Variants in ALDH4A1 observed in about 807,000 individuals in gnomAD.
ALDH4A1 encodes aldehyde dehydrogenase 4 family member A1.
A neutral mutation model predicts 70.5 loss-of-function variants in ALDH4A1; 46 were observed. The ratio of observed to expected loss-of-function variants is 0.65; its 90% CI spans 0.51 to 0.83. ALDH4A1 has a LOEUF of 0.83. ALDH4A1 is among the 40% of genes least tolerant of loss of function. The probability of loss-of-function intolerance (pLI) is 0.00; values close to 1 mark genes in which losing one functional copy is unlikely to be tolerated. For missense variants in ALDH4A1, 749 were observed against 766.5 expected (o/e 0.98, Z 0.27); for synonymous variants, 323 against 324.3 (o/e 1.00, Z 0.04).
chr1:18,890,263 T>C (rs1318329748), intron 1 of ALDH4A1, 158 bp from the exon 2 acceptor site: 2 of 634,922 alleles, frequency 3.1e-6, no homozygotes, highest in African/African-American at 1.8e-5. Context: ...CACCTTGGGC[T>C]GGGCATGGTG....
In ALDH4A1 at chr1:18,885,577, C is replaced by G. The variant is rs1441011771; in HGVS notation, c.349G>C (p.Asp117His). The change falls in exon 5 of 15, where the codon GAC becomes CAC. Residue 117 changes from aspartate (D) to histidine (H), a missense_variant. Transcript: ENST00000375341. ...GCCCGGTCTGCAATAGGCTTCAGGT[C>G]CCACTCTTTCCGGGCAGCCAGGGCA... ...EAALAARKEWDLKPIADRAQI... is the reference protein window; with the variant it reads ...EAALAARKEWHLKPIADRAQI... The G allele has an allele frequency of 4.3e-6, 7 of 1,613,746 alleles. No homozygotes were observed. The highest frequency in any genetic ancestry group is 5.9e-6 in the Non-Finnish European group (7 of 1,179,926).
At position 18,872,815 on chromosome 1, in the gene ALDH4A1, G is replaced by A. The variant is rs753224415; in HGVS notation, c.*30C>T. The A allele has an allele frequency of 5.9e-5, 94 of 1,585,422 alleles. 1 individual carries two copies. The highest frequency in any genetic ancestry group is 4.5e-4 in the East Asian group (20 of 44,634). ...GTGAGGTCGGCCACCTGGACGGACAGACAGCTGGACGGTGGAGCCCGAGAG... is the reference window on the plus strand; with the variant it reads ...GTGAGGTCGGCCACCTGGACGGACAAACAGCTGGACGGTGGAGCCCGAGAG... On this transcript the variant is annotated 3_prime_UTR_variant, in exon 15 of 15. Coordinates refer to ENST00000375341, the MANE Select transcript of ALDH4A1 (RefSeq NM_003748.4).
Position 18,880,398 on chromosome 1 carries a change from C to T in ALDH4A1, c.867-1025G>A, listed in dbSNP as rs1934923874. ...ACCCCCCTCATCCCCACACGCACCCCAACCCCAACTCCAGGACAGGCAATG... is the reference window on the plus strand; with the variant it reads ...ACCCCCCTCATCCCCACACGCACCCTAACCCCAACTCCAGGACAGGCAATG... On this transcript the variant is annotated intron_variant, in intron 8 of 14. Coordinates refer to ENST00000375341, the MANE Select transcript of ALDH4A1 (RefSeq NM_003748.4). This position sits in a 1 kb window ranked among gnomAD's most constrained non-coding sequence, Gnocchi z 5.1. Among the ~76,000 whole-genome samples the T allele has an allele frequency of 6.6e-6, 1 of 152,142 alleles. No homozygotes were observed. Among genetic ancestry groups the T allele is most frequent in the African/African-American group, 2.4e-5 (1 of 41,414 alleles).
At chr1:18,879,496 C>T (rs1043695872) in intron 8 of ALDH4A1, 123 bp from the exon 9 acceptor site, 3 of 824,910 alleles carry the variant, frequency 3.6e-6, no homozygotes, top group South Asian at 2.9e-5. Flanking sequence ...TCGGGGATGG[C>T]GGCTGGGAAC....
chr1:18,873,065 G>C (rs1191009623), intron 14 of ALDH4A1, 108 bp from the exon 15 acceptor site: 1 of 971,502 alleles, frequency 1.0e-6, no homozygotes, highest in Admixed American at 1.9e-5. Context: ...GCGGCCAGCA[G>C]CGAGCCTGCT....
chr1:18,890,659 C>T lies in ALDH4A1; in HGVS notation c.63-554G>A, dbSNP rs573218272. The T allele has an allele frequency of 8.1e-6, 8 of 984,272 alleles. No individual in the cohort carries two copies. The South Asian group carries it at 1.4e-4, about 17-fold the overall frequency. The allele number at this position is 984,272 out of a possible 1,614,324, so 61.0% of individuals were successfully genotyped here. ...GTTGCCTCCTGTGAACGTGGTTCTA[C>T]GTCTATCAAGTAAGAATAATCGCAC... On this transcript the variant is annotated intron_variant, in intron 1 of 14. Coordinates refer to ENST00000375341, the MANE Select transcript of ALDH4A1 (RefSeq NM_003748.4).
At position 18,898,200 on chromosome 1, in the gene ALDH4A1, G is replaced by A. The variant is rs375823216; in HGVS notation, c.62+4262C>T. 1.1e-3 allele frequency among the ~76,000 whole-genome samples: 168 copies of A among 152,102 alleles called. No homozygotes were observed. The highest frequency in any genetic ancestry group is 4.0e-3 in the African/African-American group (166 of 41,500). On this transcript the variant is annotated intron_variant, in intron 1 of 14. Transcript: ENST00000375341. The surrounding 1 kb of genome is among the most constrained non-coding windows in gnomAD (Gnocchi z 4.3). Reference sequence around the variant, plus strand: ...TAGCTGGGTATGGTGATGTGCGCCTGTAGTTCCAGCTACTTGGGAGGCTGA... The same window carrying A: ...TAGCTGGGTATGGTGATGTGCGCCTATAGTTCCAGCTACTTGGGAGGCTGA...
chr1:18,872,808 A>C lies in ALDH4A1; in HGVS notation c.*37T>G. 1.9e-6 allele frequency: 3 copies of C among 1,563,552 alleles called. No individual in the cohort carries two copies. Among genetic ancestry groups the C allele is most frequent in the Non-Finnish European group, 2.6e-6 (3 of 1,137,618 alleles). On this transcript the variant is annotated 3_prime_UTR_variant, in exon 15 of 15. Transcript: ENST00000375341. ...CTGTGCAGTGAGGTCGGCCACCTGG[A>C]CGGACAGACAGCTGGACGGTGGAGC...
At chr1:18,883,524 G>A (rs28508407) in intron 5 of ALDH4A1, 96 bp from the exon 6 acceptor site, 365,091 of 1,550,330 alleles carry the variant, frequency 0.24, 46,596 homozygotes, top group African/African-American at 0.46. Flanking sequence ...GCACTGAGCC[G>A]GGCCCCAGGA....
At chr1:18,886,296 T>C (rs1218069016) in intron 4 of ALDH4A1, among the ~76,000 whole-genome samples, 168 bp downstream of exon 4, 1 of 152,100 alleles carries the variant, frequency 6.6e-6, no homozygotes, top group Non-Finnish European at 1.5e-5. Flanking sequence ...GTCAAAGACA[T>C]CACCCAGGGA....
chr1:18,897,215 G>A, intron 1 of ALDH4A1: 1 of 426,218 alleles, frequency 2.3e-6, no homozygotes, highest in South Asian at 1.7e-5. Context: ...AACTTGTTCG[G>A]CAAATTCTCC....
intron 14 of ALDH4A1, among the ~76,000 whole-genome samples, chr1:18,873,739 A>G (rs1339777471): frequency 1.3e-5 from 2 of 152,266 alleles, no homozygotes; most frequent in East Asian, 3.9e-4. Flanking sequence ...CTGGCTGTTC[A>G]TCTGTATCCT....
chr1:18,890,045 C>T lies in ALDH4A1; in HGVS notation c.123G>A (p.Thr41=), dbSNP rs764448668. The T allele has an allele frequency of 6.2e-6, 10 of 1,612,730 alleles. No homozygotes were observed. Among genetic ancestry groups the T allele is most frequent in the Admixed American group, 3.3e-5 (2 of 59,910 alleles). The change falls in exon 2 of 15, where the codon ACG becomes ACA. Residue 41 remains threonine (T), a synonymous_variant. Coordinates refer to ENST00000375341, the MANE Select transcript of ALDH4A1 (RefSeq NM_003748.4). ...KVANEPVLAF[T]QGSPERDALQ... ...GGGCATCTCGCTCAGGGCTGCCCTG[C>T]GTGAAGGCTAAGACGGGCTCGTTGG...
intron 5 of ALDH4A1, among the ~76,000 whole-genome samples, chr1:18,884,038 G>A (rs1031191724): frequency 2.0e-5 from 3 of 152,192 alleles, no homozygotes; most frequent in African/African-American, 7.2e-5. Flanking sequence ...CCAGATTGAC[G>A]TGGCCTCCTC....
intron 1 of ALDH4A1, among the ~76,000 whole-genome samples, chr1:18,893,962 G>A (rs1431825313): frequency 6.6e-6 from 1 of 152,138 alleles, no homozygotes; most frequent in Non-Finnish European, 1.5e-5. Context: ...CAAGTTCTGA[G>A]CTCGAATAAA....
rs750304455 is a variant in ALDH4A1 at position 18,883,179 on chromosome 1, G to A, written c.623C>T (p.Ser208Leu). The change falls in exon 7 of 15, where the codon TCG (serine) becomes TTG (leucine). Residue 208 changes from serine (S) to leucine (L), a missense_variant. Coordinates refer to ENST00000375341, the MANE Select transcript of ALDH4A1 (RefSeq NM_003748.4). The stretch of plus-strand genomic sequence containing the variant: ...GCCGATTGCAGTGAAGTTAAAGGGC[G>A]AGATGGCCGCCACGAAGCCCTGGGG... ...RGLEGFVAAI[S>L]PFNFTAIGGN... The A allele has an allele frequency of 6.2e-6, 10 of 1,613,062 alleles. No individual in the cohort carries two copies. The highest frequency in any genetic ancestry group is 2.2e-5 in the East Asian group (1 of 44,890).
In ALDH4A1 at chr1:18,873,266, A is replaced by G. The variant is rs368568665; in HGVS notation, c.1580-309T>C. On this transcript the variant is annotated intron_variant, in intron 14 of 14. Coordinates refer to ENST00000375341, the MANE Select transcript of ALDH4A1 (RefSeq NM_003748.4). The stretch of plus-strand genomic sequence containing the variant: ...CTAGACTGAGAGGCAGGGACTTGGC[A>G]TGGTCCTGGGGTGCCATAAGAGGTA... Among the ~76,000 whole-genome samples the G allele has an allele frequency of 7.9e-5, 12 of 152,296 alleles. No homozygotes were observed. In the East Asian group the frequency reaches 2.3e-3, roughly 29 times the overall value.
At chr1:18,892,493 G>T (rs1935471098) in intron 1 of ALDH4A1, among the ~76,000 whole-genome samples, 1 of 151,724 alleles carries the variant, frequency 6.6e-6, no homozygotes, top group South Asian at 2.1e-4. Flanking sequence ...CTGAGGAGGT[G>T]ACCCTGAGAG....
Position 18,885,494 on chromosome 1 carries a change from G to A in ALDH4A1, c.432C>T (p.Leu144=), listed in dbSNP as rs781234955. ...TCACCTGTCCCACCATGGTCTTGGCGAGGATCTCAGCCCTGCGCGGCCCAC... is the reference window on the plus strand; with the variant it reads ...TCACCTGTCCCACCATGGTCTTGGCAAGGATCTCAGCCCTGCGCGGCCCAC... ...MLSGPRRAEI[L]AKTMVGQGKT... is the part of the protein sequence containing the mutation. The change falls in exon 5 of 15, where the codon CTC becomes CTT. Residue 144 remains leucine, a synonymous_variant. Coordinates refer to ENST00000375341, the MANE Select transcript of ALDH4A1 (RefSeq NM_003748.4). 4.7e-5 allele frequency: 73 copies of A among 1,569,814 alleles called. No homozygotes were observed. Among genetic ancestry groups the A allele is most frequent in the Non-Finnish European group, 5.6e-5 (65 of 1,158,400 alleles).
Sources: gnomAD v4.1 joint callset for allele counts (sites outside exome capture counted in the v4.1 genomes callset) on GRCh38, gnomAD v4.1.1 for gene constraint, Gnocchi (gnomAD v3.1) non-coding constraint, MANE v1.5 for transcripts, NCBI Gene and HGNC (gene_info 2026-07-23, HGNC 2026-07-21) for gene names.